Variants in ZNF407 observed in about 807,000 individuals in gnomAD.
The protein encoded by ZNF407 is zinc finger protein 407.
ZNF407 carries 17 observed loss-of-function variants against 131.2 expected under a neutral mutation model. The observed-to-expected ratio is 0.13, with a 90% confidence interval of 0.09 to 0.19. The LOEUF is 0.19. Ranked by LOEUF, ZNF407 falls within the 10% of genes least tolerant of loss-of-function variation. The probability of loss-of-function intolerance (pLI) is 1.00; values close to 1 mark genes in which losing one functional copy is unlikely to be tolerated. For missense variants in ZNF407, 2,681 were observed against 2,830.6 expected, an observed-to-expected ratio of 0.95 and a Z score of 1.20; for synonymous variants, 1,156 against 1,062.0, an observed-to-expected ratio of 1.09 and a Z score of -1.72.
intron 7 of ZNF407, among the ~76,000 whole-genome samples, chr18:74,903,756 A>C (rs1203752419): frequency 6.6e-6 from 1 of 152,262 alleles, no homozygotes; most frequent in Admixed American, 6.5e-5. Context: ...CCATCCAGGC[A>C]GGAGATTAGT....
chr18:75,064,329 G>A lies in ZNF407; in HGVS notation c.6608G>A (p.Gly2203Glu), dbSNP rs893118420. ...TADSQELLQA[G>E]ATLGTEAGAP... ...GACTCGCAGGAACTCCTGCAGGCCGGGGCCACGCTAGGCACAGAGGCCGGG... is the reference window on the plus strand; with the variant it reads ...GACTCGCAGGAACTCCTGCAGGCCGAGGCCACGCTAGGCACAGAGGCCGGG... The change falls in exon 9 of 9, where the codon GGG (glycine) becomes GAG (glutamate). Residue 2203 changes from glycine (G) to glutamate (E), a missense_variant. Coordinates refer to ENST00000299687, the MANE Select transcript of ZNF407 (RefSeq NM_017757.3). 4.4e-6 allele frequency: 7 copies of A among 1,596,138 alleles called. No homozygotes were observed. The highest frequency in any genetic ancestry group is 1.3e-5 in the African/African-American group (1 of 74,600).
At chr18:74,718,144 T>C (rs768794340) in intron 3 of ZNF407, among the ~76,000 whole-genome samples, 2 of 152,140 alleles carry the variant, frequency 1.3e-5, no homozygotes, top group Non-Finnish European at 2.9e-5. Flanking sequence ...TCTGAAACCA[T>C]TGACGAATAC....
intron 3 of ZNF407, among the ~76,000 whole-genome samples, chr18:74,719,728 C>CT (rs887069918): frequency 6.6e-6 from 1 of 152,166 alleles, no homozygotes; most frequent in African/African-American, 2.4e-5. Context: ...ATGCGATCAT[C>CT]TTTTTTTAGC....
intron 3 of ZNF407, among the ~76,000 whole-genome samples, chr18:74,676,506 G>T (rs1279671977): frequency 4.0e-5 from 6 of 149,208 alleles, no homozygotes; most frequent in East Asian, 2.0e-4. Context: ...GCGGGATCTC[G>T]GCTCACTGCA....
intron 3 of ZNF407, among the ~76,000 whole-genome samples, chr18:74,725,846 A>G (rs1968144541): frequency 6.6e-6 from 1 of 152,246 alleles, no homozygotes; most frequent in Non-Finnish European, 1.5e-5. Flanking sequence ...AAAACACGAT[A>G]GTCACACAAA....
intron 8 of ZNF407, among the ~76,000 whole-genome samples, chr18:75,011,292 C>T (rs1972971270): frequency 6.6e-6 from 1 of 152,172 alleles, no homozygotes; most frequent in Non-Finnish European, 1.5e-5. Flanking sequence ...GAATAAAAAG[C>T]ATGTGTCCCT....
At chr18:74,865,359 C>G (rs1970996478) in intron 4 of ZNF407, among the ~76,000 whole-genome samples, 1 of 152,164 alleles carries the variant, frequency 6.6e-6, no homozygotes, top group Non-Finnish European at 1.5e-5. Flanking sequence ...ATTTAACTTT[C>G]ATTTTTATTC....
chr18:74,937,118 A>G (rs1972047800), intron 8 of ZNF407, among the ~76,000 whole-genome samples: 1 of 152,198 alleles, frequency 6.6e-6, no homozygotes, highest in Non-Finnish European at 1.5e-5. Context: ...CCCCTGAGCA[A>G]ATGACCTGTA....
chr18:75,006,184 G>C (rs937919881), intron 8 of ZNF407, among the ~76,000 whole-genome samples: 3 of 152,186 alleles, frequency 2.0e-5, no homozygotes, highest in African/African-American at 7.2e-5. Context: ...CCTATTTCTT[G>C]AGAATGGATT....
At chr18:74,850,356 G>A (rs995954710) in intron 4 of ZNF407, among the ~76,000 whole-genome samples, 1 of 152,060 alleles carries the variant, frequency 6.6e-6, no homozygotes, top group Non-Finnish European at 1.5e-5. Context: ...CTTGAGATGG[G>A]TCACTTCTTC....
At chr18:74,984,929 A>G (rs960862318) in intron 8 of ZNF407, among the ~76,000 whole-genome samples, 2 of 152,176 alleles carry the variant, frequency 1.3e-5, no homozygotes, top group African/African-American at 2.4e-5. Context: ...AGATCTGTTC[A>G]TTTATTTTTA....
At chr18:74,724,731 A>C (rs1333375617) in intron 3 of ZNF407, among the ~76,000 whole-genome samples, 11 of 152,104 alleles carry the variant, frequency 7.2e-5, no homozygotes, top group African/African-American at 2.7e-4. Context: ...GTTTATGACC[A>C]TTTCTTAATG....
chr18:74,641,224 T>G, intron 3 of ZNF407, 102 bp downstream of exon 3: 1 of 811,398 alleles, frequency 1.2e-6, no homozygotes, highest in Non-Finnish European at 2.1e-6. Context: ...GTGGCTAAAA[T>G]TATGCATGCG....
At chr18:74,984,963 AT>A (rs2122124003) in intron 8 of ZNF407, among the ~76,000 whole-genome samples, 1 of 152,346 alleles carries the variant, frequency 6.6e-6, no homozygotes, top group African/African-American at 2.4e-5. Flanking sequence ...AATTTGAAAA[AT>A]ATATTACAGT....
At chr18:74,894,611 T>A (rs1971428863) in intron 7 of ZNF407, among the ~76,000 whole-genome samples, 1 of 152,168 alleles carries the variant, frequency 6.6e-6, no homozygotes, top group Non-Finnish European at 1.5e-5. Flanking sequence ...CTTTTGTTTA[T>A]GTGAAACTTA....
At chr18:74,622,251 C>A (rs1005321537) in intron 1 of ZNF407, among the ~76,000 whole-genome samples, 20 of 152,294 alleles carry the variant, frequency 1.3e-4, no homozygotes, top group African/African-American at 4.3e-4. Context: ...TATGCATGGA[C>A]TTGATGGCTC....
At chr18:74,682,425 C>T (rs1197021882) in intron 3 of ZNF407, among the ~76,000 whole-genome samples, 1 of 152,124 alleles carries the variant, frequency 6.6e-6, no homozygotes, top group Non-Finnish European at 1.5e-5. Context: ...ACTTCAGCTT[C>T]GTAGTAGTGC....
At position 74,633,488 on chromosome 18, in the gene ZNF407, G is replaced by A. The variant is rs1478787985; in HGVS notation, c.2469G>A (p.Gln823=). 3 of 1,614,002 alleles carry A rather than the reference G, an allele frequency of 1.9e-6. No homozygotes were observed. Among genetic ancestry groups the A allele is most frequent in the Non-Finnish European group, 1.7e-6 (2 of 1,179,882 alleles). ...KGMLASEELS[Q]SGGSTKDDEL... is the part of the protein sequence containing the mutation. Reference sequence around the variant, plus strand: ...TGCTGGCGTCTGAGGAACTGTCACAGTCTGGTGGTAGCACCAAAGATGATG... The same window carrying A: ...TGCTGGCGTCTGAGGAACTGTCACAATCTGGTGGTAGCACCAAAGATGATG... The change falls in exon 2 of 9, where the codon CAG becomes CAA. Residue 823 remains glutamine, a synonymous_variant. Transcript: ENST00000299687.
chr18:74,643,836 TA>T (rs1984837301), intron 3 of ZNF407, among the ~76,000 whole-genome samples: 1 of 152,024 alleles, frequency 6.6e-6, no homozygotes, highest in Admixed American at 6.6e-5. Context: ...TAAAGTTTTG[TA>T]TAAGTTGTAT....
Sources: gnomAD v4.1 joint callset for allele counts (sites outside exome capture counted in the v4.1 genomes callset) on GRCh38, gnomAD v4.1.1 for gene constraint, MANE v1.5 for transcripts, NCBI Gene and HGNC (gene_info 2026-07-23, HGNC 2026-07-21) for gene names.